The following ANOS1 variants were observed in gnomAD, a reference collection of about 807,000 sequenced individuals.
ANOS1 encodes the protein anosmin-1.
ANOS1 carries 6 observed loss-of-function variants against 59.0 expected under a neutral mutation model. The ratio of observed to expected loss-of-function variants is 0.10; its 90% CI spans 0.06 to 0.20. ANOS1 has a LOEUF of 0.20. Among genes scored for constraint, ANOS1 ranks in the 10% least tolerant of loss-of-function variants. The pLI is 1.00. For synonymous variants in ANOS1, 217 were observed against 223.4 expected, an observed-to-expected ratio of 0.97 and a Z score of 0.25; for missense variants, 433 against 542.3, an observed-to-expected ratio of 0.80 and a Z score of 2.00.
intron 10 of ANOS1, among the ~76,000 whole-genome samples, chrX:8,537,786 T>TGTG: frequency 9.8e-6 from 1 of 101,820 alleles, no homozygotes; most frequent in South Asian, 4.4e-4. Context: ...GTGTGTGTGT[T>TGTG]TAATTATTTT....
At chrX:8,622,366 A>G (rs1931308296) in intron 3 of ANOS1, among the ~76,000 whole-genome samples, 1 of 111,985 alleles carries the variant, frequency 8.9e-6, no homozygotes. Context: ...CACAATACAT[A>G]TTGATGAAGC....
intron 3 of ANOS1, among the ~76,000 whole-genome samples, chrX:8,603,337 T>C: frequency 8.9e-6 from 1 of 111,895 alleles, no homozygotes; most frequent in Middle Eastern, 4.6e-3. Context: ...TATATATTAA[T>C]ATGCAGTATT....
At chrX:8,668,108 T>G (rs1932184285) in intron 2 of ANOS1, among the ~76,000 whole-genome samples, 1 of 108,216 alleles carries the variant, frequency 9.2e-6, no homozygotes. Flanking sequence ...TAGTGGTGAT[T>G]TGTGAGATTT....
intron 2 of ANOS1, among the ~76,000 whole-genome samples, chrX:8,666,345 A>G (rs1217905031): frequency 8.9e-6 from 1 of 112,223 alleles, no homozygotes; most frequent in Non-Finnish European, 1.9e-5. Flanking sequence ...TAGGGAAAAT[A>G]AAGGAAATAG....
intron 6 of ANOS1, among the ~76,000 whole-genome samples, chrX:8,577,750 C>G (rs987327544): frequency 8.9e-6 from 1 of 111,864 alleles, no homozygotes; most frequent in African/African-American, 3.3e-5. Flanking sequence ...GTAACAAGCA[C>G]GAAGGTTTGA....
At chrX:8,582,494 G>C (rs1019726760) in intron 6 of ANOS1, among the ~76,000 whole-genome samples, 8 of 111,464 alleles carry the variant, frequency 7.2e-5, no homozygotes, top group East Asian at 2.8e-4. Context: ...AAGGAGAAAG[G>C]GGGGGTCAAC....
At chrX:8,664,481 C>T (rs1474778912) in intron 2 of ANOS1, among the ~76,000 whole-genome samples, 1 of 110,540 alleles carries the variant, frequency 9.0e-6, no homozygotes, top group Non-Finnish European at 1.9e-5. Context: ...GTGTGAGCCA[C>T]CGCCCCCGGC....
At chrX:8,668,913 T>A (rs1016399282) in intron 2 of ANOS1, among the ~76,000 whole-genome samples, 22 of 111,587 alleles carry the variant, frequency 2.0e-4, no homozygotes, top group African/African-American at 7.2e-4. Flanking sequence ...AGTCACAGTA[T>A]CAAAACGATC....
chrX:8,571,088 C>T (rs771836657), intron 6 of ANOS1, among the ~76,000 whole-genome samples: 4 of 95,531 alleles, frequency 4.2e-5, no homozygotes, highest in East Asian at 3.2e-4. Flanking sequence ...TACCAGCCTG[C>T]GCAAGAGAAT....
rs754992375 is a variant in ANOS1 at position 8,533,182 on chromosome X, T to C, written c.1985-129A>G. On this transcript the variant is annotated intron_variant, in intron 13 of 13. Coordinates refer to ENST00000262648, the MANE Select transcript of ANOS1 (RefSeq NM_000216.4). ...CCTTCCTATGACCATGTCTTTCCTA[T>C]TCTGAATCTGAATGTACAACCACAC... 5 of 493,543 alleles carry C rather than the reference T, an allele frequency of 1.0e-5. No individual in the cohort carries two copies. In the Admixed American group the frequency reaches 1.4e-4, roughly 14 times the overall value. The allele number at this position is 493,543 out of a possible 1,213,427, so 40.7% of individuals were successfully genotyped here. A position where few individuals can be genotyped will look rare whatever the true frequency, so the allele number is the denominator to read the frequency against.
At chrX:8,619,459 C>A (rs1931247944) in intron 3 of ANOS1, among the ~76,000 whole-genome samples, 1 of 110,586 alleles carries the variant, frequency 9.0e-6, no homozygotes, top group African/African-American at 3.3e-5. Context: ...CAAAAATTAG[C>A]CGGGCGTGGT....
intron 3 of ANOS1, among the ~76,000 whole-genome samples, chrX:8,618,261 C>T (rs1569064801): frequency 1.8e-5 from 2 of 112,080 alleles, no homozygotes; most frequent in Non-Finnish European, 3.8e-5. Flanking sequence ...CCTCCTTTTC[C>T]TTCCCATTTC....
Position 8,612,601 on chromosome X carries a change from G to C in ANOS1, c.318+11007C>G, listed in dbSNP as rs137954385. On this transcript the variant is annotated intron_variant, in intron 3 of 13. Coordinates refer to ENST00000262648, the MANE Select transcript of ANOS1 (RefSeq NM_000216.4). ...CACTAAAATTGACAAAATTCTATTG[G>C]GATGAATCAAGAAAAAGTAGAGAAT... Among the ~76,000 whole-genome samples, 814 of 105,082 alleles carry C rather than the reference G, an allele frequency of 7.7e-3. 6 individuals are homozygous for C. Among genetic ancestry groups the C allele is most frequent in the African/African-American group, 0.026 (740 of 28,313 alleles). The allele number at this position is 105,082 out of a possible 115,157, so 91.3% of individuals were successfully genotyped here. A position where few individuals can be genotyped will look rare whatever the true frequency, so the allele number is the denominator to read the frequency against.
intron 8 of ANOS1, among the ~76,000 whole-genome samples, chrX:8,559,806 C>T (rs1190829371): frequency 9.0e-6 from 1 of 111,339 alleles, no homozygotes; most frequent in Non-Finnish European, 1.9e-5. Context: ...AAACACACCA[C>T]TCTTTTGTGT....
At chrX:8,667,524 T>C (rs1932167665) in intron 2 of ANOS1, among the ~76,000 whole-genome samples, 1 of 111,429 alleles carries the variant, frequency 9.0e-6, no homozygotes, top group Non-Finnish European at 1.9e-5. Context: ...TCTCATCAAA[T>C]CACTCCACAT....
rs1265651292 is a variant in ANOS1, at chrX:8,529,918, C to T, written c.*3077G>A. 2 of 111,518 alleles carry T rather than the reference C, an allele frequency of 1.8e-5. No individual in the cohort carries two copies. Among genetic ancestry groups the T allele is most frequent in the African/African-American group, 6.5e-5 (2 of 30,663 alleles). 9.2% of individuals were successfully genotyped at this position (111,518 alleles called of 1,213,427 possible). On this transcript the variant is annotated 3_prime_UTR_variant, in exon 14 of 14. Coordinates refer to ENST00000262648, the MANE Select transcript of ANOS1 (RefSeq NM_000216.4). ...CCCCACAACAGAGAACTATCCAGCC[C>T]CAAAAGTCAATAGTGTTGAGGTTGA...
chrX:8,636,260 T>C (rs1279717380), intron 2 of ANOS1, among the ~76,000 whole-genome samples: 1 of 111,700 alleles, frequency 9.0e-6, no homozygotes, highest in African/African-American at 3.3e-5. Context: ...GTCAATCTTA[T>C]TCCCAAGTTG....
intron 6 of ANOS1, among the ~76,000 whole-genome samples, chrX:8,576,552 G>C (rs896960587): frequency 1.8e-4 from 19 of 106,422 alleles, no homozygotes; most frequent in Admixed American, 9.1e-4. Flanking sequence ...ATAGACAGTG[G>C]CTGATGAGAG....
At chrX:8,535,458 CAGA>C in intron 12 of ANOS1, 130 bp downstream of exon 12, 1 of 520,100 alleles carries the variant, frequency 1.9e-6, no homozygotes, top group Non-Finnish European at 3.4e-6. Context: ...AAGATACACT[CAGA>C]AGAAGAAAAT....
Sources: gnomAD v4.1 joint callset for allele counts (sites outside exome capture counted in the v4.1 genomes callset) on GRCh38, gnomAD v4.1.1 for gene constraint, MANE v1.5 for transcripts, NCBI Gene and HGNC (gene_info 2026-07-23, HGNC 2026-07-21) for gene names.